Variants in BRIP1 observed in about 807,000 individuals in gnomAD.
BRIP1 encodes the protein BRCA1 interacting DNA helicase 1.
Under a neutral mutation model 119.7 loss-of-function variants are expected in BRIP1, and 88 were observed. The ratio of observed to expected loss-of-function variants is 0.74; its 90% CI spans 0.62 to 0.88. The LOEUF (loss-of-function observed/expected upper bound fraction) is 0.88. BRIP1 is among the 40% of genes least tolerant of loss of function. The pLI is 0.00. For synonymous variants in BRIP1, 443 were observed against 496.5 expected, an observed-to-expected ratio of 0.89 and a Z score of 1.43; for missense variants, 1,259 against 1,455.4, an observed-to-expected ratio of 0.87 and a Z score of 2.20.
intron 16 of BRIP1, among the ~76,000 whole-genome samples, chr17:61,732,414 C>T (rs2076860601): frequency 6.6e-6 from 1 of 152,106 alleles, no homozygotes; most frequent in South Asian, 2.1e-4. Context: ...TCTGGCTCCT[C>T]CATCCCTTTT....
intron 5 of BRIP1, among the ~76,000 whole-genome samples, chr17:61,847,653 C>T (rs908551498): frequency 3.3e-5 from 5 of 152,144 alleles, no homozygotes; most frequent in African/African-American, 1.2e-4. Flanking sequence ...TGATTTCCTA[C>T]AGGATGGAAT....
intron 6 of BRIP1, among the ~76,000 whole-genome samples, chr17:61,829,756 A>C (rs1007969662): frequency 6.6e-6 from 1 of 152,182 alleles, no homozygotes; most frequent in Non-Finnish European, 1.5e-5. Flanking sequence ...CTTCTAAATA[A>C]ATCTTGGGTC....
At position 61,680,605 on chromosome 17, in the gene BRIP1, G is replaced by C. The variant is rs886053205; in HGVS notation, c.*2691C>G. On this transcript the variant is annotated 3_prime_UTR_variant, in exon 20 of 20. Coordinates refer to ENST00000259008, the MANE Select transcript of BRIP1 (RefSeq NM_032043.3). Reference sequence around the variant, plus strand: ...CGCCATTCTCCTGCCTCAGCCTCCTGAGTAGCTGGGACTACAGGCGCCCGC... The same window carrying C: ...CGCCATTCTCCTGCCTCAGCCTCCTCAGTAGCTGGGACTACAGGCGCCCGC... Among the ~76,000 whole-genome samples the C allele has an allele frequency of 2.0e-5, 3 of 149,182 alleles. No homozygotes were observed. The highest frequency in any genetic ancestry group is 4.4e-5 in the Non-Finnish European group (3 of 67,616).
chr17:61,792,308 A>G (rs2077830735), intron 10 of BRIP1, among the ~76,000 whole-genome samples: 1 of 152,214 alleles, frequency 6.6e-6, no homozygotes, highest in African/African-American at 2.4e-5. Flanking sequence ...GTCTTACCAT[A>G]TAATACAACA....
rs560959350 is a variant in BRIP1 at position 61,682,380 on chromosome 17, T to C, written c.*916A>G. On this transcript the variant is annotated 3_prime_UTR_variant, in exon 20 of 20. Transcript: ENST00000259008. This position sits in a 1 kb window ranked among gnomAD's most constrained non-coding sequence, Gnocchi z 4.9. ...CTAGTATTTTTTTCCACAATGATGGTGAAGCTAAATAATTAGAATAGAAAA... is the reference window on the plus strand; with the variant it reads ...CTAGTATTTTTTTCCACAATGATGGCGAAGCTAAATAATTAGAATAGAAAA... The C allele has an allele frequency of 9.8e-6, 2 of 205,042 alleles. No individual in the cohort carries two copies. The highest frequency in any genetic ancestry group is 1.5e-4 in the East Asian group (2 of 13,196). The allele number at this position is 205,042 out of a possible 1,614,324, so 12.7% of individuals were successfully genotyped here. A position where few individuals can be genotyped will look rare whatever the true frequency, so the allele number is the denominator to read the frequency against.
In BRIP1 at chr17:61,804,994, GTGTGTGTA is replaced by G. The variant is rs1218654234; in HGVS notation, c.918+3465_918+3472del. Among the ~76,000 whole-genome samples the G allele has an allele frequency of 7.7e-6, 1 of 129,502 alleles. No individual in the cohort carries two copies. The allele number at this position is 129,502 out of a possible 152,430, so 85.0% of individuals were successfully genotyped here. A position where few individuals can be genotyped will look rare whatever the true frequency, so the allele number is the denominator to read the frequency against. On this transcript the variant is annotated intron_variant, in intron 7 of 19. Transcript: ENST00000259008. This position sits in a 1 kb window ranked among gnomAD's most constrained non-coding sequence, Gnocchi z 4.5. ...TGTGTGTGTGTGTGTGTGTGTGTGT[GTGTGTGTA>G]AAATTAAATTGTATTTGTATACGTC...
Position 61,802,146 on chromosome 17 carries a change from G to A in BRIP1, c.919-672C>T, listed in dbSNP as rs1197792460. On this transcript the variant is annotated intron_variant, in intron 7 of 19. Coordinates refer to ENST00000259008, the MANE Select transcript of BRIP1 (RefSeq NM_032043.3). This position sits in a 1 kb window ranked among gnomAD's most constrained non-coding sequence, Gnocchi z 6.0. ...TTTCTTCTATACATGTGTATATAAG[G>A]ATATCTCTACAATGTGACCCAATAT... is the stretch of plus-strand genomic sequence containing the variant. 6.6e-6 allele frequency among the ~76,000 whole-genome samples: 1 copy of A among 152,042 alleles called. No individual in the cohort carries two copies. Among genetic ancestry groups the A allele is most frequent in the Non-Finnish European group, 1.5e-5 (1 of 68,022 alleles).
chr17:61,840,518 T>C (rs1353423269), intron 6 of BRIP1, among the ~76,000 whole-genome samples: 2 of 152,172 alleles, frequency 1.3e-5, no homozygotes, highest in Non-Finnish European at 2.9e-5. Context: ...AGCTCACACC[T>C]ATAATCCTGG....
rs1030949389 is a variant in BRIP1, at chr17:61,680,049, A to G, written c.*3247T>C. ...GGGAGAATTAAATTTTGGAAAGAAT[A>G]AAAAATATCTAGGCCAGGCATGGTG... is the stretch of plus-strand genomic sequence containing the variant. On this transcript the variant is annotated 3_prime_UTR_variant, in exon 20 of 20. Transcript: ENST00000259008. Among the ~76,000 whole-genome samples the G allele has an allele frequency of 9.2e-5, 14 of 152,136 alleles. No individual in the cohort carries two copies. The highest frequency in any genetic ancestry group is 7.9e-4 in the Admixed American group (12 of 15,276).
In BRIP1 at chr17:61,814,638, C is replaced by T. The variant is rs2078210212; in HGVS notation, c.628-5881G>A. ...CACTGCTGATCGAAGTATAAATTGG[C>T]ACAACTACTTGAGAGCAAATTGGTG... On this transcript the variant is annotated intron_variant, in intron 6 of 19. Transcript: ENST00000259008. This position sits in a 1 kb window ranked among gnomAD's most constrained non-coding sequence, Gnocchi z 4.9. 1.3e-5 allele frequency among the ~76,000 whole-genome samples: 2 copies of T among 151,970 alleles called. No homozygotes were observed. The highest frequency in any genetic ancestry group is 2.9e-5 in the Non-Finnish European group (2 of 67,912).
chr17:61,682,811 C>T lies in BRIP1; in HGVS notation c.*485G>A. ...TAGCTAAGGAAGACTTATTTGAGGA[C>T]AGTACTTTGTATGAATTACTTTATC... On this transcript the variant is annotated 3_prime_UTR_variant, in exon 20 of 20. Transcript: ENST00000259008. This position sits in a 1 kb window ranked among gnomAD's most constrained non-coding sequence, Gnocchi z 4.9. The T allele has an allele frequency of 5.2e-6, 1 of 192,812 alleles. No homozygotes were observed. Among genetic ancestry groups the T allele is most frequent in the Non-Finnish European group, 1.1e-5 (1 of 92,546 alleles). The allele number at this position is 192,812 out of a possible 1,614,324, so 11.9% of individuals were successfully genotyped here. A position where few individuals can be genotyped will look rare whatever the true frequency, so the allele number is the denominator to read the frequency against.
intron 6 of BRIP1, among the ~76,000 whole-genome samples, chr17:61,813,564 T>A (rs971008165): frequency 2.0e-5 from 3 of 152,110 alleles, no homozygotes; most frequent in South Asian, 2.1e-4. Context: ...AAAATCCAGA[T>A]TAGCTTTTAA....
In BRIP1 at chr17:61,703,233, T is replaced by G. The variant is rs2061643626; in HGVS notation, c.2493-9721A>C. ...TGTGCGCCACAACACCCACCTAATT[T>G]TTGTATTTTTAGTAGAGATGGGGTT... On this transcript the variant is annotated intron_variant, in intron 17 of 19. Transcript: ENST00000259008. This position sits in a 1 kb window ranked among gnomAD's most constrained non-coding sequence, Gnocchi z 5.0. Among the ~76,000 whole-genome samples, 1 of 152,046 alleles carries G rather than the reference T, an allele frequency of 6.6e-6. No homozygotes were observed.
At position 61,843,335 on chromosome 17, in the gene BRIP1, A is replaced by G. The variant is rs1007274479; in HGVS notation, c.627+3766T>C. On this transcript the variant is annotated intron_variant, in intron 6 of 19. Transcript: ENST00000259008. The surrounding 1 kb of genome is among the most constrained non-coding windows in gnomAD (Gnocchi z 5.7). ...TTAATAATACTATATTCTAGGCTGG[A>G]TATTTCGATATTGGCTTTAAAATTT... is the stretch of plus-strand genomic sequence containing the variant. Among the ~76,000 whole-genome samples, 1 of 152,172 alleles carries G rather than the reference A, an allele frequency of 6.6e-6. No individual in the cohort carries two copies. Among genetic ancestry groups the G allele is most frequent in the African/African-American group, 2.4e-5 (1 of 41,426 alleles).
At chr17:61,839,082 C>T (rs2078620717) in intron 6 of BRIP1, among the ~76,000 whole-genome samples, 1 of 152,020 alleles carries the variant, frequency 6.6e-6, no homozygotes, top group Non-Finnish European at 1.5e-5. Context: ...AATATTTACT[C>T]CCCTATGACA....
At chr17:61,821,500 T>C (rs2078325009) in intron 6 of BRIP1, among the ~76,000 whole-genome samples, 1 of 152,006 alleles carries the variant, frequency 6.6e-6, no homozygotes, top group Non-Finnish European at 1.5e-5. Context: ...ATTCTCTTTT[T>C]TTTTCTTGTA....
chr17:61,752,807 C>A lies in BRIP1; in HGVS notation c.2098-8216G>T, dbSNP rs888180057. On this transcript the variant is annotated intron_variant, in intron 14 of 19. Transcript: ENST00000259008. This position sits in a 1 kb window ranked among gnomAD's most constrained non-coding sequence, Gnocchi z 6.2. Reference sequence around the variant, plus strand: ...GAAAAGTGAACAGATTATAAAAATACTTAAAATTAAAATGAGTAAGATATG... The same window carrying A: ...GAAAAGTGAACAGATTATAAAAATAATTAAAATTAAAATGAGTAAGATATG... Among the ~76,000 whole-genome samples the A allele has an allele frequency of 6.6e-6, 1 of 152,070 alleles. No homozygotes were observed. Among genetic ancestry groups the A allele is most frequent in the Non-Finnish European group, 1.5e-5 (1 of 68,014 alleles).
rs2076814947 is a variant in BRIP1, at chr17:61,729,436, AAAGCAGAGT to A, written c.2380-13382_2380-13374del. ...TATCTTGGGAGGCTATAAGAAGGAA[AAAGCAGAGT>A]AAGTGAGGTAAAATCCTGTCTCAAA... is the stretch of plus-strand genomic sequence containing the variant. On this transcript the variant is annotated intron_variant, in intron 16 of 19. Coordinates refer to ENST00000259008, the MANE Select transcript of BRIP1 (RefSeq NM_032043.3). The surrounding 1 kb of genome is among the most constrained non-coding windows in gnomAD (Gnocchi z 5.6). Among the ~76,000 whole-genome samples, 1 of 68,854 alleles carries A rather than the reference AAAGCAGAGT, an allele frequency of 1.5e-5. No individual in the cohort carries two copies. The highest frequency in any genetic ancestry group is 3.6e-5 in the Non-Finnish European group (1 of 27,882). The allele number at this position is 68,854 out of a possible 152,430, so 45.2% of individuals were successfully genotyped here.
chr17:61,830,244 C>T (rs1322582657), intron 6 of BRIP1, among the ~76,000 whole-genome samples: 2 of 148,646 alleles, frequency 1.3e-5, no homozygotes, highest in Non-Finnish European at 3.0e-5. Context: ...AAGTTTCAAT[C>T]TTATGAAGCT....
Sources: allele counts gnomAD v4.1 joint callset (sites outside exome capture counted in the v4.1 genomes callset), GRCh38; gene constraint gnomAD v4.1.1; non-coding constraint Gnocchi (gnomAD v3.1); transcripts MANE v1.5; gene names NCBI Gene and HGNC (gene_info 2026-07-23, HGNC 2026-07-21).